The following DAAM1 variants were observed in gnomAD, a reference collection of about 807,000 sequenced individuals.
DAAM1 encodes the protein dishevelled associated activator of morphogenesis 1, also known as disheveled-associated activator of morphogenesis 1.
DAAM1 carries 52 observed loss-of-function variants against 130.0 expected under a neutral mutation model. That is an observed-to-expected ratio of 0.40 (90% CI 0.32 to 0.50). The LOEUF is 0.50. DAAM1 is among the 20% of genes least tolerant of loss of function. The pLI is 0.61. For synonymous variants in DAAM1, 452 were observed against 444.5 expected, an observed-to-expected ratio of 1.02 and a Z score of -0.21; for missense variants, 1,134 against 1,303.8, an observed-to-expected ratio of 0.87 and a Z score of 2.01.
chr14:59,332,553 T>C (rs1015569026), intron 15 of DAAM1, among the ~76,000 whole-genome samples: 6 of 152,148 alleles, frequency 3.9e-5, no homozygotes, highest in African/African-American at 1.4e-4. Flanking sequence ...AAACATGTGA[T>C]TTGGTGCCTG....
chr14:59,355,583 T>G (rs1886447895), intron 20 of DAAM1, among the ~76,000 whole-genome samples: 1 of 152,228 alleles, frequency 6.6e-6, no homozygotes, highest in Non-Finnish European at 1.5e-5. Context: ...ACATCATCTG[T>G]TCTAAGTTTT....
At chr14:59,210,153 A>G (rs1888384354) in intron 1 of DAAM1, among the ~76,000 whole-genome samples, 1 of 152,112 alleles carries the variant, frequency 6.6e-6, no homozygotes, top group African/African-American at 2.4e-5. Context: ...AAAACAAACA[A>G]ACAAAAAAAC....
At chr14:59,337,616 C>G (rs992272574) in intron 15 of DAAM1, among the ~76,000 whole-genome samples, 6 of 152,206 alleles carry the variant, frequency 3.9e-5, no homozygotes, top group Non-Finnish European at 7.4e-5. Context: ...TCAGTTACCT[C>G]TTCCTCGTTC....
chr14:59,318,148 C>G (rs1884862669), intron 4 of DAAM1, among the ~76,000 whole-genome samples: 1 of 151,676 alleles, frequency 6.6e-6, no homozygotes, highest in African/African-American at 2.4e-5. Flanking sequence ...GGCCTAACAT[C>G]TAGAAGGACC....
chr14:59,366,841 T>C (rs1439578758), intron 23 of DAAM1, among the ~76,000 whole-genome samples: 4 of 152,146 alleles, frequency 2.6e-5, no homozygotes, highest in Non-Finnish European at 5.9e-5. Flanking sequence ...CCAGGAGTTT[T>C]TGGCTGTATT....
At chr14:59,248,380 T>C (rs1167459685) in intron 1 of DAAM1, among the ~76,000 whole-genome samples, 2 of 152,148 alleles carry the variant, frequency 1.3e-5, no homozygotes, top group Non-Finnish European at 2.9e-5. Flanking sequence ...GTAAAGAGTG[T>C]AGTAATCCAC....
At chr14:59,291,370 T>C (rs1883733569) in intron 3 of DAAM1, 64 bp downstream of exon 3, 1 of 1,289,592 alleles carries the variant, frequency 7.8e-7, no homozygotes, top group Non-Finnish European at 1.1e-6. Context: ...TGCTCTTCCA[T>C]TTCACCACTA....
At chr14:59,225,481 T>G (rs774399924) in intron 1 of DAAM1, among the ~76,000 whole-genome samples, 2 of 152,252 alleles carry the variant, frequency 1.3e-5, no homozygotes. Context: ...AGCAAGTGTT[T>G]CCCTGTCTAA....
intron 8 of DAAM1, among the ~76,000 whole-genome samples, chr14:59,325,348 A>C (rs1184665914): frequency 1.3e-5 from 2 of 152,210 alleles, no homozygotes; most frequent in Admixed American, 6.5e-5. Context: ...GTATATGGGC[A>C]TGTTTTTCCA....
chr14:59,329,155 C>A (rs1179729810), intron 12 of DAAM1, among the ~76,000 whole-genome samples: 1 of 152,078 alleles, frequency 6.6e-6, no homozygotes, highest in Non-Finnish European at 1.5e-5. Context: ...GCCCTGTAGT[C>A]GACCTACAAA....
chr14:59,300,652 A>AT (rs1021670262), intron 3 of DAAM1, among the ~76,000 whole-genome samples: 11 of 152,090 alleles, frequency 7.2e-5, no homozygotes, highest in Non-Finnish European at 1.2e-4. Context: ...TTCACCTCAG[A>AT]TTTTTTTTAA....
intron 1 of DAAM1, among the ~76,000 whole-genome samples, chr14:59,250,389 G>T (rs1429566709): frequency 1.3e-5 from 2 of 152,124 alleles, no homozygotes; most frequent in Non-Finnish European, 2.9e-5. Flanking sequence ...ACTTTTAAAT[G>T]GACTATTTTT....
intron 2 of DAAM1, among the ~76,000 whole-genome samples, chr14:59,278,603 T>C (rs1883074521): frequency 1.3e-5 from 2 of 152,148 alleles, no homozygotes; most frequent in Admixed American, 1.3e-4. Flanking sequence ...GTAGAGTCAG[T>C]ATTAGGGGGA....
intron 2 of DAAM1, among the ~76,000 whole-genome samples, chr14:59,290,774 C>T (rs183352194): frequency 6.6e-6 from 1 of 152,300 alleles, no homozygotes; most frequent in African/African-American, 2.4e-5. Context: ...TTGTCTGTTT[C>T]TCCCCTCCTC....
intron 1 of DAAM1, among the ~76,000 whole-genome samples, chr14:59,257,161 A>G (rs1483944893): frequency 6.6e-6 from 1 of 152,146 alleles, no homozygotes; most frequent in Non-Finnish European, 1.5e-5. Flanking sequence ...ATTGGCTTCA[A>G]ATGTCTTGGT....
intron 17 of DAAM1, among the ~76,000 whole-genome samples, chr14:59,351,131 C>T (rs1487148260): frequency 6.6e-6 from 1 of 152,054 alleles, no homozygotes; most frequent in Non-Finnish European, 1.5e-5. Flanking sequence ...AGCCAGAAGC[C>T]CAGGCGTCAT....
intron 1 of DAAM1, among the ~76,000 whole-genome samples, chr14:59,252,582 G>C (rs1881696915): frequency 1.3e-5 from 2 of 152,154 alleles, no homozygotes; most frequent in African/African-American, 4.8e-5. Context: ...GCCCTATAGA[G>C]ATTAAACCAG....
At chr14:59,229,636 T>C (rs1889044019) in intron 1 of DAAM1, among the ~76,000 whole-genome samples, 1 of 152,242 alleles carries the variant, frequency 6.6e-6, no homozygotes. Context: ...CTTTCTTTAC[T>C]TCCTAAGAGA....
intron 2 of DAAM1, among the ~76,000 whole-genome samples, chr14:59,288,677 A>G (rs1249758228): frequency 6.6e-6 from 1 of 152,172 alleles, no homozygotes; most frequent in African/African-American, 2.4e-5. Flanking sequence ...TTTTCATACT[A>G]CTGCAAAGAA....
Sources: gnomAD v4.1 joint callset for allele counts (sites outside exome capture counted in the v4.1 genomes callset) on GRCh38, gnomAD v4.1.1 for gene constraint, MANE v1.5 for transcripts, NCBI Gene and HGNC (gene_info 2026-07-23, HGNC 2026-07-21) for gene names.